Variants in SKIC8 observed in about 807,000 individuals in gnomAD.
SKIC8 encodes SKI8 subunit of superkiller complex, also known as superkiller complex protein 8.
the SKIC8 span, chr15:78,289,712 T>C: frequency 1.2e-6 from 2 of 1,613,636 alleles, no homozygotes; most frequent in Non-Finnish European, 1.7e-6. Flanking sequence ...CCATCAGGAC[T>C]CTGTTCAGAG....
At chr15:78,294,930 C>G in the SKIC8 span, 11 of 1,613,982 alleles carry the variant, frequency 6.8e-6, no homozygotes, top group Non-Finnish European at 8.5e-6. Flanking sequence ...ATTGCTTAAA[C>G]AGGCAGGCTA....
chr15:78,283,635 G>T, the SKIC8 span: 1 of 750,788 alleles, frequency 1.3e-6, no homozygotes, highest in Admixed American at 2.9e-5. Context: ...AGATGAGGAT[G>T]TTCTTGTACT....
At chr15:78,293,016 G>T in the SKIC8 span, 1 of 821,432 alleles carries the variant, frequency 1.2e-6, no homozygotes, top group Non-Finnish European at 1.9e-6. Context: ...AGGAAAACAA[G>T]TGGGAAAAAT....
the SKIC8 span, chr15:78,288,924 A>G: frequency 1.3e-5 from 6 of 452,622 alleles, no homozygotes; most frequent in South Asian, 9.4e-5. Context: ...CCACCTTCAA[A>G]TTATCAACAA....
chr15:78,297,993 T>C, the SKIC8 span, among the ~76,000 whole-genome samples: 17 of 152,232 alleles, frequency 1.1e-4, no homozygotes, highest in Non-Finnish European at 2.2e-4. Context: ...CCTCAAACGA[T>C]CCTCTTGTCT....
chr15:78,298,055 T>C, the SKIC8 span, among the ~76,000 whole-genome samples: 1 of 152,194 alleles, frequency 6.6e-6, no homozygotes, highest in Non-Finnish European at 1.5e-5. Flanking sequence ...TTTTATTCAT[T>C]TGTGACCCAT....
the SKIC8 span, chr15:78,289,936 G>T: frequency 6.2e-7 from 1 of 1,611,322 alleles, no homozygotes; most frequent in Non-Finnish European, 8.5e-7. Context: ...AGAACAGAGA[G>T]CAATGTTTCC....
chr15:78,288,146 G>A, the SKIC8 span: 19 of 732,196 alleles, frequency 2.6e-5, no homozygotes, highest in Middle Eastern at 4.1e-4. Context: ...GGCGCTGAAC[G>A]GGGGAGGACC....
At chr15:78,295,373 T>C in the SKIC8 span, 1 of 604,480 alleles carries the variant, frequency 1.7e-6, no homozygotes, top group East Asian at 2.9e-5. Flanking sequence ...CAAAGATATG[T>C]TTCTCCTGTT....
At chr15:78,288,440 C>A in the SKIC8 span, 1 of 1,529,310 alleles carries the variant, frequency 6.5e-7, no homozygotes, top group South Asian at 1.1e-5. Flanking sequence ...CACTCAGCTT[C>A]CCACTGACAA....
chr15:78,292,951 A>C, the SKIC8 span: 1 of 985,876 alleles, frequency 1.0e-6, no homozygotes, highest in African/African-American at 1.6e-5. Flanking sequence ...CAGGTTTTAA[A>C]TGTAGGACTT....
chr15:78,295,645 TG>T, the SKIC8 span: 2 of 1,609,408 alleles, frequency 1.2e-6, no homozygotes, highest in Non-Finnish European at 8.5e-7. Context: ...AGAGACCAAT[TG>T]ATGTTTTTCC....
the SKIC8 span, chr15:78,292,799 G>A: frequency 6.2e-7 from 1 of 1,611,942 alleles, no homozygotes; most frequent in Non-Finnish European, 8.5e-7. Flanking sequence ...CTTCAACAGG[G>A]GACAGAGAAA....
the SKIC8 span, chr15:78,293,398 C>T: frequency 1.7e-5 from 15 of 889,434 alleles, no homozygotes; most frequent in Non-Finnish European, 2.5e-5. Context: ...AAGTGCTTTC[C>T]TATACAGCTT....
At chr15:78,297,897 T>C in the SKIC8 span, among the ~76,000 whole-genome samples, 10 of 152,316 alleles carry the variant, frequency 6.6e-5, no homozygotes, top group African/African-American at 2.4e-4. Flanking sequence ...TCCTTGCCTA[T>C]GAAGATCTCA....
At chr15:78,291,035 G>C in the SKIC8 span, 1 of 152,172 alleles carries the variant, frequency 6.6e-6, no homozygotes, top group South Asian at 2.1e-4. Context: ...TAATCCACCC[G>C]CCTCAGCCCC....
the SKIC8 span, among the ~76,000 whole-genome samples, chr15:78,296,235 G>A: frequency 0.036 from 5,533 of 151,730 alleles, 118 homozygotes; most frequent in Middle Eastern, 0.071. Flanking sequence ...GTGAAACCAC[G>A]TCTCTAATAA....
At chr15:78,292,709 G>A in the SKIC8 span, 18 of 1,614,192 alleles carry the variant, frequency 1.1e-5, no homozygotes, top group Non-Finnish European at 1.5e-5. Context: ...GCAATGGGCA[G>A]GGTGTGGCTG....
At chr15:78,283,328 C>T in the SKIC8 span, 1 of 865,602 alleles carries the variant, frequency 1.2e-6, no homozygotes, top group African/African-American at 1.7e-5. Context: ...TAAGTCTTTG[C>T]TACAATAAAT....
Sources: gnomAD v4.1 joint callset for allele counts (sites outside exome capture counted in the v4.1 genomes callset) on GRCh38, gnomAD v4.1.1 for gene constraint, MANE v1.5 for transcripts, NCBI Gene and HGNC (gene_info 2026-07-23, HGNC 2026-07-21) for gene names.